SLCO1A2: variants seen among roughly 807,000 people sequenced by gnomAD.
SLCO1A2 encodes OATP-1.
In SLCO1A2, 67 loss-of-function variants were observed where a neutral mutation model predicts 69.0. The ratio of observed to expected loss-of-function variants is 0.97; its 90% CI spans 0.80 to 1.19. The LOEUF is 1.19. SLCO1A2 is among the 50% of genes most tolerant of loss of function. The pLI is 0.00. For missense variants in SLCO1A2, 787 were observed against 793.7 expected (o/e 0.99, Z 0.10); for synonymous variants, 260 against 265.9 (o/e 0.98, Z 0.22).
chr12:21,373,464 CTT>C, intron 2 of SLCO1A2: 2 of 1,468,666 alleles, frequency 1.4e-6, no homozygotes, highest in Non-Finnish European at 1.9e-6. Flanking sequence ...TTCTTTGTAA[CTT>C]TTGTAAAGTG....
intron 2 of SLCO1A2, among the ~76,000 whole-genome samples, chr12:21,330,247 C>A (rs1242426997): frequency 6.6e-6 from 1 of 152,082 alleles, no homozygotes; most frequent in Non-Finnish European, 1.5e-5. Flanking sequence ...AATCCTAGCA[C>A]TTTGGGAGAC....
chr12:21,417,247 T>C (rs1942003107), intron 1 of SLCO1A2, among the ~76,000 whole-genome samples: 1 of 151,844 alleles, frequency 6.6e-6, no homozygotes, highest in Non-Finnish European at 1.5e-5. Flanking sequence ...CCACAATATA[T>C]GAATCAGCTA....
intron 4 of SLCO1A2, 45 bp from the exon 5 acceptor site, chr12:21,307,033 A>G: frequency 7.5e-7 from 1 of 1,338,484 alleles, no homozygotes; most frequent in South Asian, 1.2e-5. Context: ...GAAAGTAATG[A>G]GGACAATGTG....
chr12:21,398,004 G>A (rs1355693804), upstream of SLCO1A2, among the ~76,000 whole-genome samples: 1 of 110,126 alleles, frequency 9.1e-6, no homozygotes. Context: ...GCTAGCAGAA[G>A]GCAAGAAATA....
upstream of SLCO1A2, among the ~76,000 whole-genome samples, chr12:21,398,532 A>G (rs1355527364): frequency 6.6e-6 from 1 of 151,844 alleles, no homozygotes; most frequent in Non-Finnish European, 1.5e-5. Flanking sequence ...TTATGAGGCC[A>G]GCATCATTCT....
intron 1 of SLCO1A2, among the ~76,000 whole-genome samples, chr12:21,391,725 C>T (rs1591910899): frequency 6.6e-6 from 1 of 150,774 alleles, no homozygotes; most frequent in African/African-American, 2.4e-5. Context: ...CACTACTTTC[C>T]GTTGACATTC....
intron 1 of SLCO1A2, among the ~76,000 whole-genome samples, chr12:21,390,877 T>A (rs11831407): frequency 0.42 from 63,769 of 152,010 alleles, 13,596 homozygotes; most frequent in Middle Eastern, 0.52. Flanking sequence ...TGGTAGCTCC[T>A]GCTGCTAGAC....
chr12:21,331,480 A>G (rs1330238401), intron 2 of SLCO1A2, among the ~76,000 whole-genome samples: 2 of 152,166 alleles, frequency 1.3e-5, no homozygotes, highest in African/African-American at 4.8e-5. Flanking sequence ...AGTTGGGTAC[A>G]GTTGGTCAAA....
At chr12:21,373,784 T>A in intron 2 of SLCO1A2, 1 of 669,312 alleles carries the variant, frequency 1.5e-6, no homozygotes, top group Non-Finnish European at 2.7e-6. Flanking sequence ...CAGAGAAACT[T>A]AACTAAAGCA....
chr12:21,416,660 G>A (rs75578346), intron 1 of SLCO1A2, among the ~76,000 whole-genome samples: 178 of 151,786 alleles, frequency 1.2e-3, no homozygotes, highest in Non-Finnish European at 2.0e-3. Flanking sequence ...CAGGCTAAAG[G>A]GCACTGACTA....
Position 21,304,574 on chromosome 12 carries a change from C to T in SLCO1A2, c.443-1G>A, listed in dbSNP as rs752085370. 6.4e-7 allele frequency: 1 copy of T among 1,573,656 alleles called. No homozygotes were observed. Among genetic ancestry groups the T allele is most frequent in the Non-Finnish European group, 8.6e-7 (1 of 1,168,518 alleles). On this transcript the variant is annotated splice_acceptor_variant, in intron 5 of 14. Coordinates refer to ENST00000683939, the MANE Select transcript of SLCO1A2 (RefSeq NM_001386879.1). LOFTEE classifies it high-confidence loss of function. ...AATGATTTAACTTCCTTTGTACACT[C>T]TGCATTAAAAAAAAAAGACATGACA...
intron 2 of SLCO1A2, among the ~76,000 whole-genome samples, chr12:21,323,058 C>A (rs981558014): frequency 5.9e-5 from 9 of 152,004 alleles, no homozygotes; most frequent in Non-Finnish European, 1.3e-4. Flanking sequence ...ATGTTCTAGG[C>A]CAGATAGGAA....
chr12:21,307,257 G>A (rs1231999599), intron 4 of SLCO1A2, among the ~76,000 whole-genome samples: 1 of 152,012 alleles, frequency 6.6e-6, no homozygotes, highest in Non-Finnish European at 1.5e-5. Flanking sequence ...AACTTTCTTT[G>A]ATTTTTAGGT....
At chr12:21,283,446 G>T (rs920338617) in intron 12 of SLCO1A2, among the ~76,000 whole-genome samples, 3 of 151,964 alleles carry the variant, frequency 2.0e-5, no homozygotes, top group Admixed American at 6.6e-5. Flanking sequence ...TTAAATCTAA[G>T]ACCTCCAACT....
intron 1 of SLCO1A2, among the ~76,000 whole-genome samples, chr12:21,413,853 C>A (rs1941950166): frequency 6.6e-6 from 1 of 152,070 alleles, no homozygotes; most frequent in Non-Finnish European, 1.5e-5. Context: ...TCTAAGACAG[C>A]TCTCCAGATC....
chr12:21,413,030 A>C (rs1941933389), intron 1 of SLCO1A2, among the ~76,000 whole-genome samples: 1 of 152,148 alleles, frequency 6.6e-6, no homozygotes, highest in Admixed American at 6.5e-5. Context: ...ATTTCTATCC[A>C]CCAAAGTATA....
rs747322135 is a variant in SLCO1A2 at position 21,300,558 on chromosome 12, T to C, written c.700A>G (p.Ile234Val). ...ACCCAACGAGTGTCAGTGGGAGTTATGATCAGATCATCTGTAAAAAAATAC... is the reference window on the plus strand; with the variant it reads ...ACCCAACGAGTGTCAGTGGGAGTTACGATCAGATCATCTGTAAAAAAATAC... ...TGFVNTDDLI[I>V]TPTDTRWVGA... The change falls in exon 8 of 15, where the codon ATA becomes GTA. Residue 234 changes from isoleucine to valine, a missense_variant. Ile to Val is a conservative substitution (Grantham distance 29, BLOSUM62 3). Coordinates refer to ENST00000683939, the MANE Select transcript of SLCO1A2 (RefSeq NM_001386879.1). The C allele has an allele frequency of 1.9e-6, 3 of 1,608,804 alleles. No individual in the cohort carries two copies. The highest frequency in any genetic ancestry group is 1.3e-5 in the African/African-American group (1 of 74,920).
chr12:21,283,553 G>GA (rs59564128), intron 12 of SLCO1A2, among the ~76,000 whole-genome samples: 24 of 149,826 alleles, frequency 1.6e-4, no homozygotes, highest in South Asian at 6.3e-4. Flanking sequence ...GATAACTAAT[G>GA]AAAAAAAAAT....
rs543444225 is a variant in SLCO1A2 at position 21,401,657 on chromosome 12, TTTTG to T, written c.-312+16221_-312+16224del. ...TTTTATATTTTGTTTATTTCTACTT[TTTTG>T]TTTGACTTAAAATTTTATATGGAAG... On this transcript the variant is annotated intron_variant, in intron 1 of 4. Coordinates refer to the SLCO1A2 transcript ENST00000413682. Among the ~76,000 whole-genome samples, 26 of 151,942 alleles carry T rather than the reference TTTTG, an allele frequency of 1.7e-4. No homozygotes were observed. The South Asian group carries it at 5.4e-3, about 32-fold the overall frequency.
Sources: gnomAD v4.1 joint callset for allele counts (sites outside exome capture counted in the v4.1 genomes callset) on GRCh38, gnomAD v4.1.1 for gene constraint, MANE v1.5 for transcripts, NCBI Gene and HGNC (gene_info 2026-07-23, HGNC 2026-07-21) for gene names.